EPHX1: variants seen among roughly 807,000 people sequenced by gnomAD.
EPHX1 encodes the protein epoxide hydratase.
EPHX1 carries 40 observed loss-of-function variants against 43.2 expected under a neutral mutation model. The ratio of observed to expected loss-of-function variants is 0.93; its 90% CI spans 0.72 to 1.21. EPHX1 has a LOEUF of 1.21. Ranked by LOEUF, EPHX1 falls within the 50% of genes most tolerant of loss-of-function variation. The pLI is 0.00. For missense variants in EPHX1, 550 were observed against 570.4 expected (o/e 0.96, Z 0.36); for synonymous variants, 221 against 226.7 (o/e 0.98, Z 0.22).
intron 3 of EPHX1, among the ~76,000 whole-genome samples, 195 bp from the exon 4 acceptor site, chr1:225,838,455 CTGAG>C (rs1344522303): frequency 3.9e-5 from 6 of 152,108 alleles, no homozygotes. Context: ...GTTGTGAAGG[CTGAG>C]TGAGGACATC....
Position 225,828,774 on chromosome 1 carries a change from C to T in EPHX1, c.45C>T (p.Ile15=). 6.2e-7 allele frequency: 1 copy of T among 1,613,652 alleles called. No homozygotes were observed. Among genetic ancestry groups the T allele is most frequent in the Non-Finnish European group, 8.5e-7 (1 of 1,179,956 alleles). Residue 15 remains isoleucine (I), a synonymous_variant, in exon 2 of 9, where the codon ATC becomes ATT. Coordinates refer to ENST00000272167, the MANE Select transcript of EPHX1 (RefSeq NM_001136018.4). ...ILLTSVLGFA[I]YWFISRDKEE... Reference sequence around the variant, plus strand: ...TCACTTCAGTGCTGGGCTTTGCCATCTACTGGTTCATCTCCCGGGACAAAG... The same window carrying T: ...TCACTTCAGTGCTGGGCTTTGCCATTTACTGGTTCATCTCCCGGGACAAAG...
chr1:225,829,715 C>T (rs986557117), intron 2 of EPHX1, among the ~76,000 whole-genome samples: 4 of 152,068 alleles, frequency 2.6e-5, no homozygotes, highest in Admixed American at 6.6e-5. Flanking sequence ...CAGCCCCTTC[C>T]GTCCAACAGC....
chr1:225,840,060 G>A (rs542368263), intron 6 of EPHX1, 23 bp downstream of exon 6: 10 of 1,611,818 alleles, frequency 6.2e-6, no homozygotes, highest in Middle Eastern at 1.8e-4. Flanking sequence ...AGGGGTCCTC[G>A]CCCACTGCCG....
At chr1:225,839,404 CTCT>C in intron 5 of EPHX1, 58 bp downstream of exon 5, 1 of 1,147,872 alleles carries the variant, frequency 8.7e-7, no homozygotes. Flanking sequence ...TGTGTGTGTC[CTCT>C]AAGAAGTGGA....
intron 6 of EPHX1, 27 bp from the exon 7 acceptor site, chr1:225,842,339 T>C (rs1668497577): frequency 3.3e-6 from 5 of 1,515,660 alleles, no homozygotes; most frequent in Non-Finnish European, 4.6e-6. Flanking sequence ...GGCCTGAGTC[T>C]CTCCCTTGCT....
chr1:225,828,000 C>T (rs1279101616), intron 1 of EPHX1, among the ~76,000 whole-genome samples: 1 of 152,132 alleles, frequency 6.6e-6, no homozygotes, highest in East Asian at 1.9e-4. Flanking sequence ...GCTCCTCTCC[C>T]CTGGGGGAGG....
Position 225,823,101 on chromosome 1 carries a change from A to C in EPHX1, c.-5-5624A>C, listed in dbSNP as rs74549415. Reference sequence around the variant, plus strand: ...TTACAGATGCAGCTACTGAGCTTAGAGAGGTTTCATAACTTGCCCAGAGCC... The same window carrying C: ...TTACAGATGCAGCTACTGAGCTTAGCGAGGTTTCATAACTTGCCCAGAGCC... On this transcript the variant is annotated intron_variant, in intron 1 of 8. Coordinates refer to ENST00000272167, the MANE Select transcript of EPHX1 (RefSeq NM_001136018.4). Among the ~76,000 whole-genome samples, 337 of 152,332 alleles carry C rather than the reference A, an allele frequency of 2.2e-3. 14 individuals are homozygous for C. The East Asian group carries it at 0.046, about 21-fold the overall frequency.
At chr1:225,828,972 G>T in intron 2 of EPHX1, 60 bp downstream of exon 2, 3 of 1,544,454 alleles carry the variant, frequency 1.9e-6, no homozygotes, top group Non-Finnish European at 2.6e-6. Context: ...TCGAAGACAG[G>T]GGTTGGGTCT....
chr1:225,819,289 C>T (rs936229231), intron 1 of EPHX1, among the ~76,000 whole-genome samples: 1 of 150,846 alleles, frequency 6.6e-6, no homozygotes, highest in Non-Finnish European at 1.5e-5. Context: ...CCTGTAGTCC[C>T]CGCTACTCAG....
chr1:225,845,034 C>A (rs1272013448), intron 8 of EPHX1, 112 bp from the exon 9 acceptor site: 16 of 1,150,194 alleles, frequency 1.4e-5, no homozygotes, highest in Non-Finnish European at 1.9e-5. Flanking sequence ...CTTTATGGCT[C>A]CTTGTGGGTG....
chr1:225,828,944 AGTGGAGAGG>A, intron 2 of EPHX1, 32 bp downstream of exon 2: 1 of 1,552,328 alleles, frequency 6.4e-7, no homozygotes, highest in Non-Finnish European at 8.7e-7. Flanking sequence ...CGGGCTGGGC[AGTGGAGAGG>A]GTGGTGTGTC....
chr1:225,825,189 C>T (rs1667171727), intron 1 of EPHX1, among the ~76,000 whole-genome samples: 1 of 152,206 alleles, frequency 6.6e-6, no homozygotes, highest in Admixed American at 6.5e-5. Context: ...CTGATCATTT[C>T]AGCCCTGTAT....
At chr1:225,834,113 A>C (rs1191542856) in intron 3 of EPHX1, among the ~76,000 whole-genome samples, 4 of 13,564 alleles carry the variant, frequency 2.9e-4, no homozygotes, top group Non-Finnish European at 5.7e-4. Context: ...AAAAAAAAAG[A>C]AAAAAAAAAA....
In EPHX1 at chr1:225,842,409, T is replaced by G. The variant is rs1576040578; in HGVS notation, c.975T>G (p.Ile325Met). ...CTCCTGTGGGTCTGGCTGCCTATAT[T>G]CTAGAGAAGTTTTCCACCTGGACCA... Reference protein sequence around the residue: ...NDSPVGLAAYILEKFSTWTNT... With the variant: ...NDSPVGLAAYMLEKFSTWTNT... The change falls in exon 7 of 9, where the codon ATT becomes ATG. Residue 325 changes from isoleucine (I) to methionine (M), a missense_variant. Coordinates refer to ENST00000272167, the MANE Select transcript of EPHX1 (RefSeq NM_001136018.4). 4.3e-6 allele frequency: 7 copies of G among 1,614,010 alleles called. No homozygotes were observed. The highest frequency in any genetic ancestry group is 5.9e-6 in the Non-Finnish European group (7 of 1,179,980).
chr1:225,833,167 T>C (rs1387588312), intron 3 of EPHX1, among the ~76,000 whole-genome samples: 1 of 152,192 alleles, frequency 6.6e-6, no homozygotes, highest in Non-Finnish European at 1.5e-5. Context: ...CTTGTTAATT[T>C]TTTATATTGA....
intron 2 of EPHX1, 111 bp from the exon 3 acceptor site, chr1:225,831,668 A>T: frequency 9.5e-7 from 1 of 1,048,104 alleles, no homozygotes; most frequent in Non-Finnish European, 1.5e-6. Context: ...CCACTCCCAG[A>T]GGGCAGTATC....
rs750062692 is a variant in EPHX1 at position 225,831,796 on chromosome 1, C to T, written c.201C>T (p.Ile67=). The T allele has an allele frequency of 1.2e-5, 19 of 1,613,944 alleles. No individual in the cohort carries two copies. The highest frequency in any genetic ancestry group is 6.7e-5 in the African/African-American group (5 of 74,898). ...TGCTCCAGGACTTACACCAGAGGAT[C>T]GATAAGTTCCGTTTCACCCCACCTT... ...DEEIHDLHQR[I]DKFRFTPPLE... The change falls in exon 3 of 9, where the codon ATC becomes ATT. Residue 67 remains isoleucine (I), a synonymous_variant. Coordinates refer to ENST00000272167, the MANE Select transcript of EPHX1 (RefSeq NM_001136018.4).
intron 1 of EPHX1, among the ~76,000 whole-genome samples, chr1:225,816,628 G>A (rs1327527907): frequency 1.3e-5 from 2 of 152,176 alleles, no homozygotes; most frequent in African/African-American, 2.4e-5. Flanking sequence ...GGAAGTAGCC[G>A]TCCCCTCTCC....
Position 225,831,817 on chromosome 1 carries a change from AC to A in EPHX1, c.224del (p.Pro75LeufsTer16). On this transcript the variant is annotated frameshift_variant, in exon 3 of 9. Transcript: ENST00000272167. LOFTEE classifies it high-confidence loss of function. ...GGATCGATAAGTTCCGTTTCACCCC[AC>A]CTTTGGAGGACAGCTGCTTCCACTA... ...QRIDKFRFTP[P>X]LEDSCFHYGF... The A allele has an allele frequency of 6.2e-7, 1 of 1,614,018 alleles. No homozygotes were observed. Among genetic ancestry groups the A allele is most frequent in the Non-Finnish European group, 8.5e-7 (1 of 1,179,998 alleles).
Sources: allele counts gnomAD v4.1 joint callset (sites outside exome capture counted in the v4.1 genomes callset), GRCh38; gene constraint gnomAD v4.1.1; transcripts MANE v1.5; gene names NCBI Gene and HGNC (gene_info 2026-07-23, HGNC 2026-07-21).